UBR2: variants seen among roughly 807,000 people sequenced by gnomAD.
UBR2 encodes the protein ubiquitin protein ligase E3 component n-recognin 2, also known as E3 ubiquitin-protein ligase UBR2.
In UBR2, 92 loss-of-function variants were observed where a neutral mutation model predicts 247.9. The observed-to-expected ratio is 0.37, with a 90% CI of 0.31 to 0.44. The LOEUF (loss-of-function observed/expected upper bound fraction) is 0.44. UBR2 is among the 20% of genes least tolerant of loss of function. The pLI, the probability that UBR2 is intolerant of heterozygous loss-of-function variation, is 1.00. For synonymous variants in UBR2, 672 were observed against 693.5 expected (o/e 0.97, Z 0.49); for missense variants, 1,613 against 2,112.6 (o/e 0.76, Z 4.64).
chr6:42,662,047 A>G (rs1042362680), intron 30 of UBR2, 137 bp from the exon 31 acceptor site: 6 of 544,956 alleles, frequency 1.1e-5, no homozygotes, highest in Non-Finnish European at 1.9e-5. Context: ...ATAAATTGGT[A>G]TCTCAGAGGA....
Position 42,640,285 on chromosome 6 carries a change from C to T in UBR2, c.1920+15C>T. 1 of 1,577,990 alleles carries T rather than the reference C, an allele frequency of 6.3e-7. No individual in the cohort carries two copies. Among genetic ancestry groups the T allele is most frequent in the Non-Finnish European group, 8.6e-7 (1 of 1,166,226 alleles). The stretch of plus-strand genomic sequence containing the variant: ...TCCTACCTCTAGTAAGTGGTGCTTA[C>T]ATTTAAAAGTGAATACTTATTTATT... On this transcript the variant is annotated intron_variant, in intron 16 of 46. Coordinates refer to ENST00000372901, the MANE Select transcript of UBR2 (RefSeq NM_001363705.2).
intron 1 of UBR2, among the ~76,000 whole-genome samples, chr6:42,572,391 A>T (rs888488023): frequency 6.6e-6 from 1 of 152,126 alleles, no homozygotes; most frequent in African/African-American, 2.4e-5. Flanking sequence ...TGAAGAATAT[A>T]CAAGTAATAG....
intron 22 of UBR2, among the ~76,000 whole-genome samples, chr6:42,649,064 G>A (rs1241415747): frequency 6.6e-6 from 1 of 152,128 alleles, no homozygotes; most frequent in Non-Finnish European, 1.5e-5. Context: ...CTCAAGTGCA[G>A]TGGCACGGTC....
intron 34 of UBR2, among the ~76,000 whole-genome samples, chr6:42,667,664 A>G (rs1340874019): frequency 9.7e-5 from 7 of 71,980 alleles, no homozygotes; most frequent in African/African-American, 3.5e-4. Context: ...TCTTATAGTT[A>G]ATAATTACCT....
chr6:42,627,634 A>G (rs1047844967), intron 11 of UBR2, among the ~76,000 whole-genome samples: 2 of 151,640 alleles, frequency 1.3e-5, no homozygotes, highest in Non-Finnish European at 2.9e-5. Context: ...AGTAGCTGGG[A>G]CTACAAGTGT....
chr6:42,588,930 T>C (rs1012760241), intron 2 of UBR2, among the ~76,000 whole-genome samples: 1 of 152,214 alleles, frequency 6.6e-6, no homozygotes, highest in African/African-American at 2.4e-5. Context: ...TTGAGAAATA[T>C]TCCTCAATAT....
intron 2 of UBR2, among the ~76,000 whole-genome samples, chr6:42,591,579 G>A (rs948996009): frequency 2.6e-5 from 4 of 152,158 alleles, no homozygotes; most frequent in East Asian, 1.9e-4. Context: ...AGAAATAGGG[G>A]CCATGTGAGG....
intron 2 of UBR2, among the ~76,000 whole-genome samples, chr6:42,574,765 G>A (rs558290391): frequency 1.3e-5 from 2 of 150,808 alleles, no homozygotes; most frequent in Non-Finnish European, 2.9e-5. Context: ...GCGCGATCTC[G>A]GCTCACTGCA....
intron 30 of UBR2, among the ~76,000 whole-genome samples, chr6:42,661,237 G>A (rs1797783718): frequency 2.0e-5 from 3 of 151,866 alleles, no homozygotes; most frequent in Admixed American, 6.6e-5. Context: ...GCAGTGAGTC[G>A]AGATCGCGCC....
At chr6:42,589,553 C>G (rs1474175435) in intron 2 of UBR2, among the ~76,000 whole-genome samples, 1 of 152,170 alleles carries the variant, frequency 6.6e-6, no homozygotes, top group African/African-American at 2.4e-5. Context: ...CTTCTGTCTT[C>G]TAGAAGAGAT....
intron 46 of UBR2, 58 bp from the exon 47 acceptor site, chr6:42,690,974 G>A: frequency 1.9e-6 from 3 of 1,599,610 alleles, no homozygotes; most frequent in Non-Finnish European, 1.7e-6. Flanking sequence ...GAAGGGTTGG[G>A]TTATAATAGA....
intron 1 of UBR2, among the ~76,000 whole-genome samples, chr6:42,569,792 G>C (rs1040470741): frequency 6.6e-6 from 1 of 152,060 alleles, no homozygotes; most frequent in Non-Finnish European, 1.5e-5. Context: ...TATTGTACTT[G>C]CTTTCTATCC....
At chr6:42,632,069 A>AAAAAAAAAAATATAT (rs56721828) in intron 11 of UBR2, among the ~76,000 whole-genome samples, 1 of 114,088 alleles carries the variant, frequency 8.8e-6, no homozygotes, top group African/African-American at 3.4e-5. Flanking sequence ...AAAAAAAAAA[A>AAAAAAAAAAATATAT]ATATATATAT....
At chr6:42,684,141 A>G (rs1799217481) in intron 43 of UBR2, among the ~76,000 whole-genome samples, 1 of 152,212 alleles carries the variant, frequency 6.6e-6, no homozygotes, top group African/African-American at 2.4e-5. Flanking sequence ...GTAATCCTCA[A>G]CTAGAAGTAT....
Position 42,662,193 on chromosome 6 carries a change from A to T in UBR2, c.3452A>T (p.Asp1151Val), listed in dbSNP as rs760132097. The change falls in exon 31 of 47, where the codon GAT (aspartate) becomes GTT (valine). Residue 1151 changes from aspartate to valine, a missense_variant. Transcript: ENST00000372901. ...TTGTTTTGTAATGCAGAAAAATATG[A>T]TCCATTATTCATGCACCCTGATCTG... ...SKFIQDPEKYDPLFMHPDLSC... is the reference protein window; with the variant it reads ...SKFIQDPEKYVPLFMHPDLSC... The T allele has an allele frequency of 1.2e-6, 2 of 1,600,742 alleles. No individual in the cohort carries two copies. The highest frequency in any genetic ancestry group is 1.1e-5 in the South Asian group (1 of 88,580).
intron 11 of UBR2, chr6:42,619,950 T>C: frequency 1.1e-6 from 1 of 889,222 alleles, no homozygotes; most frequent in South Asian, 5.2e-5. Flanking sequence ...CTTTTTATAT[T>C]TTTGATGCTG....
intron 10 of UBR2, 38 bp from the exon 11 acceptor site, chr6:42,617,371 T>C: frequency 6.2e-7 from 1 of 1,613,916 alleles, no homozygotes; most frequent in Non-Finnish European, 8.5e-7. Context: ...TTGTAACTGA[T>C]AGCTGGCACT....
intron 22 of UBR2, among the ~76,000 whole-genome samples, chr6:42,649,071 G>A (rs1397645581): frequency 1.3e-5 from 2 of 152,020 alleles, no homozygotes; most frequent in Non-Finnish European, 2.9e-5. Context: ...GCAGTGGCAC[G>A]GTCTTGGCTC....
intron 2 of UBR2, among the ~76,000 whole-genome samples, chr6:42,584,100 C>T (rs1792096346): frequency 1.3e-5 from 2 of 150,894 alleles, no homozygotes; most frequent in Non-Finnish European, 1.5e-5. Flanking sequence ...TGGGTTCGAG[C>T]AATTCTCCCG....
Sources: gnomAD v4.1 joint callset for allele counts (sites outside exome capture counted in the v4.1 genomes callset) on GRCh38, gnomAD v4.1.1 for gene constraint, MANE v1.5 for transcripts, NCBI Gene and HGNC (gene_info 2026-07-23, HGNC 2026-07-21) for gene names.